The following TAFA5 variants were observed in gnomAD, a reference collection of about 807,000 sequenced individuals.
TAFA5 encodes the protein chemokine-like protein TAFA-5.
TAFA5 carries 6 observed loss-of-function variants against 15.3 expected under a neutral mutation model. That is an observed-to-expected ratio of 0.39 (90% CI 0.21 to 0.77). The LOEUF is 0.77. TAFA5 is among the 30% of genes least tolerant of loss of function. The pLI, the probability that TAFA5 is intolerant of heterozygous loss-of-function variation, is 0.41. For missense variants in TAFA5, 161 were observed against 193.1 expected (o/e 0.83, Z 0.98); for synonymous variants, 103 against 80.7 (o/e 1.28, Z -1.48).
chr22:48,731,756 C>T (rs1377567729), intron 3 of TAFA5, among the ~76,000 whole-genome samples: 1 of 152,176 alleles, frequency 6.6e-6, no homozygotes, highest in East Asian at 1.9e-4. Flanking sequence ...CACTTGATCA[C>T]CCAAGATCTC....
chr22:48,747,173 G>T (rs1930353040), intron 3 of TAFA5, among the ~76,000 whole-genome samples: 1 of 152,220 alleles, frequency 6.6e-6, no homozygotes, highest in Non-Finnish European at 1.5e-5. Context: ...GGGGCCCTGG[G>T]ACTGGAGAAG....
At chr22:48,701,023 C>A (rs1312318931) in intron 2 of TAFA5, among the ~76,000 whole-genome samples, 2 of 152,172 alleles carry the variant, frequency 1.3e-5, no homozygotes, top group Non-Finnish European at 2.9e-5. Flanking sequence ...AGCCCTCTGG[C>A]TGTTACTAGA....
chr22:48,684,777 T>C (rs541651132), intron 2 of TAFA5, among the ~76,000 whole-genome samples: 1 of 152,112 alleles, frequency 6.6e-6, no homozygotes, highest in Non-Finnish European at 1.5e-5. Flanking sequence ...AATACAAAGG[T>C]TTCCATGTTT....
At chr22:48,722,736 C>T (rs895678089) in intron 3 of TAFA5, among the ~76,000 whole-genome samples, 37 of 152,196 alleles carry the variant, frequency 2.4e-4, no homozygotes, top group African/African-American at 7.0e-4. Context: ...GTAAGATCAA[C>T]ATGCAAGGTG....
chr22:48,643,896 C>T (rs1926771335), intron 1 of TAFA5, among the ~76,000 whole-genome samples: 1 of 152,210 alleles, frequency 6.6e-6, no homozygotes, highest in South Asian at 2.1e-4. Flanking sequence ...TGGAGTGGCC[C>T]AGAGCCAACC....
intron 2 of TAFA5, among the ~76,000 whole-genome samples, chr22:48,650,898 T>C (rs915547527): frequency 1.3e-5 from 2 of 152,164 alleles, no homozygotes; most frequent in African/African-American, 4.8e-5. Flanking sequence ...TCTAGCTGTT[T>C]ATGCAGACGC....
intron 3 of TAFA5, among the ~76,000 whole-genome samples, chr22:48,720,387 A>C (rs1929534189): frequency 6.6e-6 from 1 of 152,138 alleles, no homozygotes; most frequent in African/African-American, 2.4e-5. Flanking sequence ...CCAACATCTC[A>C]GGGACACCCC....
intron 1 of TAFA5, among the ~76,000 whole-genome samples, chr22:48,553,416 A>AAT (rs1922924035): frequency 2.0e-5 from 3 of 152,108 alleles, no homozygotes; most frequent in African/African-American, 7.2e-5. Flanking sequence ...GGCCAGAGGG[A>AAT]ATAGGATGGA....
Position 48,638,750 on chromosome 22 carries a change from A to G in TAFA5, c.113-7847A>G, listed in dbSNP as rs71314868. ...CCCCGACACTAAGCCCTGGGACACCACACACAGGCGGGACCCCCCCCATCC... is the reference window on the plus strand; with the variant it reads ...CCCCGACACTAAGCCCTGGGACACCGCACACAGGCGGGACCCCCCCCATCC... On this transcript the variant is annotated intron_variant, in intron 1 of 3. Transcript: ENST00000402357. Among the ~76,000 whole-genome samples the G allele has an allele frequency of 9.9e-3, 943 of 95,356 alleles. 36 individuals carry two copies. Among genetic ancestry groups the G allele is most frequent in the African/African-American group, 0.041 (784 of 19,008 alleles). 62.6% of individuals were successfully genotyped at this position (95,356 alleles called of 152,430 possible). A position where few individuals can be genotyped will look rare whatever the true frequency, so the allele number is the denominator to read the frequency against.
At chr22:48,508,300 GC>G (rs1272200840) in intron 1 of TAFA5, among the ~76,000 whole-genome samples, 1 of 152,180 alleles carries the variant, frequency 6.6e-6, no homozygotes, top group Admixed American at 6.5e-5. Flanking sequence ...TAGAGAGTAG[GC>G]GGGGGTGCAG....
At chr22:48,542,610 GT>G (rs1922482327) in intron 1 of TAFA5, among the ~76,000 whole-genome samples, 1 of 114,028 alleles carries the variant, frequency 8.8e-6, no homozygotes, top group Non-Finnish European at 1.8e-5. Context: ...TGTGTGTGTG[GT>G]GTGTGTGTGG....
At chr22:48,591,241 G>C (rs908206986) in intron 1 of TAFA5, among the ~76,000 whole-genome samples, 7 of 152,252 alleles carry the variant, frequency 4.6e-5, no homozygotes, top group Non-Finnish European at 8.8e-5. Context: ...GTTTCTTCTT[G>C]TCTCTGGGAT....
intron 2 of TAFA5, among the ~76,000 whole-genome samples, chr22:48,647,177 T>C (rs541439438): frequency 3.4e-4 from 52 of 152,246 alleles, no homozygotes; most frequent in African/African-American, 1.2e-3. Flanking sequence ...GTCTGGCCAG[T>C]TCAAGACACT....
chr22:48,584,747 CCA>C (rs796119794), intron 1 of TAFA5, among the ~76,000 whole-genome samples: 12 of 148,960 alleles, frequency 8.1e-5, no homozygotes, highest in African/African-American at 1.7e-4. Flanking sequence ...CACGCACCCT[CCA>C]CACACACACA....
chr22:48,739,280 A>G (rs1930114585), intron 3 of TAFA5, among the ~76,000 whole-genome samples: 1 of 152,134 alleles, frequency 6.6e-6, no homozygotes, highest in Admixed American at 6.5e-5. Context: ...TTTCCCAGAG[A>G]AGTATGCTAG....
At chr22:48,624,600 T>C (rs1925963508) in intron 1 of TAFA5, among the ~76,000 whole-genome samples, 1 of 152,206 alleles carries the variant, frequency 6.6e-6, no homozygotes, top group Non-Finnish European at 1.5e-5. Context: ...GGTTGCCAGG[T>C]ATGTTAGCTC....
intron 2 of TAFA5, among the ~76,000 whole-genome samples, chr22:48,651,619 T>C (rs1374198391): frequency 6.6e-6 from 1 of 152,144 alleles, no homozygotes; most frequent in Non-Finnish European, 1.5e-5. Context: ...CCTTGCCCGC[T>C]CTCAGGCAGT....
At chr22:48,538,766 C>T (rs1324519022) in intron 1 of TAFA5, 2 of 152,336 alleles carry the variant, frequency 1.3e-5, no homozygotes, top group Non-Finnish European at 2.9e-5. Flanking sequence ...CTGGGTCACA[C>T]CCACAAACAT....
chr22:48,719,958 C>G (rs2147260142), intron 3 of TAFA5, among the ~76,000 whole-genome samples: 1 of 152,328 alleles, frequency 6.6e-6, no homozygotes, highest in East Asian at 1.9e-4. Context: ...TCTGTCTGCA[C>G]TTTGGGCCAC....
Sources: gnomAD v4.1 joint callset for allele counts (sites outside exome capture counted in the v4.1 genomes callset) on GRCh38, gnomAD v4.1.1 for gene constraint, MANE v1.5 for transcripts, NCBI Gene and HGNC (gene_info 2026-07-23, HGNC 2026-07-21) for gene names.